ALK: variants seen among roughly 807,000 people sequenced by gnomAD.
ALK encodes the protein ALK tyrosine kinase receptor.
Under a neutral mutation model 163.1 loss-of-function variants are expected in ALK, and 74 were observed. The observed-to-expected ratio is 0.45, with a 90% CI of 0.38 to 0.55. ALK has a LOEUF of 0.55. ALK is among the 20% of genes least tolerant of loss of function. The pLI is 0.00. For missense variants in ALK, 2,063 were observed against 2,105.3 expected (o/e 0.98, Z 0.39); for synonymous variants, 960 against 843.2 (o/e 1.14, Z -2.40).
At chr2:29,466,640 C>T (rs1671220976) in intron 4 of ALK, among the ~76,000 whole-genome samples, 1 of 152,210 alleles carries the variant, frequency 6.6e-6, no homozygotes, top group Admixed American at 6.5e-5. Flanking sequence ...GGGTTTGAGA[C>T]TGTTTCTTGT....
chr2:29,804,527 C>A (rs963847125), intron 1 of ALK, among the ~76,000 whole-genome samples: 5 of 152,228 alleles, frequency 3.3e-5, no homozygotes, highest in Admixed American at 1.3e-4. Context: ...GCAGATATGG[C>A]AACACAGGTT....
chr2:29,361,579 G>A (rs1470366990), intron 5 of ALK, among the ~76,000 whole-genome samples: 3 of 152,222 alleles, frequency 2.0e-5, no homozygotes, highest in Admixed American at 2.0e-4. Context: ...GCTGTGACTT[G>A]CTATGTAACC....
At chr2:29,346,342 A>G (rs931099971) in intron 5 of ALK, among the ~76,000 whole-genome samples, 2 of 152,138 alleles carry the variant, frequency 1.3e-5, no homozygotes, top group Non-Finnish European at 1.5e-5. Flanking sequence ...AGTCTGCTTT[A>G]TTTTCAGAGA....
chr2:29,575,123 T>C (rs1674487225), intron 3 of ALK, among the ~76,000 whole-genome samples: 1 of 152,052 alleles, frequency 6.6e-6, no homozygotes, highest in African/African-American at 2.4e-5. Context: ...TGAAGTGGCC[T>C]CTCTAGGTGA....
intron 3 of ALK, among the ~76,000 whole-genome samples, chr2:29,644,879 T>G (rs188837069): frequency 6.6e-6 from 1 of 152,170 alleles, no homozygotes; most frequent in Non-Finnish European, 1.5e-5. Flanking sequence ...GATCCTGACT[T>G]GCTTGGTTCA....
chr2:29,262,455 G>A (rs546367612), intron 11 of ALK, among the ~76,000 whole-genome samples: 34 of 152,338 alleles, frequency 2.2e-4, no homozygotes, highest in African/African-American at 7.9e-4. Context: ...GTTCATTCAG[G>A]CAAAGCTTTC....
intron 3 of ALK, among the ~76,000 whole-genome samples, chr2:29,642,712 A>G (rs1339842978): frequency 6.6e-6 from 1 of 152,190 alleles, no homozygotes; most frequent in Non-Finnish European, 1.5e-5. Flanking sequence ...TCTTCTTTAA[A>G]AAAAGAAAAA....
chr2:29,882,834 A>G (rs1666900213), intron 1 of ALK, among the ~76,000 whole-genome samples: 2 of 152,210 alleles, frequency 1.3e-5, no homozygotes, highest in Admixed American at 6.5e-5. Flanking sequence ...ATAAACAACA[A>G]ATACAACTTT....
intron 3 of ALK, among the ~76,000 whole-genome samples, chr2:29,545,888 A>T (rs968724135): frequency 1.6e-4 from 24 of 152,314 alleles, no homozygotes; most frequent in African/African-American, 5.8e-4. Flanking sequence ...GTAGCCTAGA[A>T]GTAGTAGTAC....
chr2:29,771,594 T>G lies in ALK; in HGVS notation c.668-53897A>C, dbSNP rs552566436. ...CTGTCGCCCAGGCTGGAGTGCAGTG[T>G]CACGATCTCGACTCACTGTAAGCTC... On this transcript the variant is annotated intron_variant, in intron 1 of 28. Transcript: ENST00000389048. 4.9e-4 allele frequency among the ~76,000 whole-genome samples: 75 copies of G among 151,632 alleles called. 2 individuals carry two copies. The highest frequency in any genetic ancestry group is 1.0e-3 in the Non-Finnish European group (69 of 67,924).
intron 23 of ALK, among the ~76,000 whole-genome samples, chr2:29,215,358 C>G (rs552436127): frequency 2.0e-5 from 3 of 152,330 alleles, no homozygotes; most frequent in African/African-American, 7.2e-5. Flanking sequence ...TGGCCTGGGT[C>G]TGGAGGAGGT....
At chr2:29,604,318 T>C (rs767617588) in intron 3 of ALK, among the ~76,000 whole-genome samples, 4 of 152,206 alleles carry the variant, frequency 2.6e-5, no homozygotes, top group Non-Finnish European at 5.9e-5. Flanking sequence ...GTATGGTCTA[T>C]GGCCCTTTCG....
chr2:29,550,256 A>G (rs1673679552), intron 3 of ALK, among the ~76,000 whole-genome samples: 1 of 152,218 alleles, frequency 6.6e-6, no homozygotes, highest in South Asian at 2.1e-4. Context: ...TTTTTAGTTG[A>G]GAAAACTGAG....
chr2:29,203,460 T>C (rs1218850453), intron 26 of ALK, among the ~76,000 whole-genome samples: 1 of 145,126 alleles, frequency 6.9e-6, no homozygotes, highest in Non-Finnish European at 1.5e-5. Flanking sequence ...GCAGGATCTT[T>C]ATCACCATTG....
At chr2:29,907,921 T>C (rs1667592811) in intron 1 of ALK, among the ~76,000 whole-genome samples, 1 of 152,108 alleles carries the variant, frequency 6.6e-6, no homozygotes. Flanking sequence ...AAACCATAAG[T>C]CTTCAAGGTT....
intron 23 of ALK, among the ~76,000 whole-genome samples, chr2:29,215,766 AAC>A (rs370323055): frequency 5.3e-5 from 8 of 152,314 alleles, no homozygotes; most frequent in African/African-American, 1.9e-4. Flanking sequence ...ACAAACGGCA[AAC>A]ACCACACTTC....
intron 3 of ALK, among the ~76,000 whole-genome samples, chr2:29,648,399 A>G (rs1314480619): frequency 6.6e-6 from 1 of 152,142 alleles, no homozygotes; most frequent in African/African-American, 2.4e-5. Flanking sequence ...GTTTGGTGGT[A>G]TTAAGTACAT....
chr2:29,492,244 T>C (rs1671919739), intron 4 of ALK, among the ~76,000 whole-genome samples: 1 of 152,222 alleles, frequency 6.6e-6, no homozygotes, highest in African/African-American at 2.4e-5. Flanking sequence ...GAGATTCATT[T>C]ATCTTTAGGC....
intron 11 of ALK, among the ~76,000 whole-genome samples, chr2:29,252,449 G>A (rs2148198957): frequency 6.6e-6 from 1 of 152,322 alleles, no homozygotes; most frequent in East Asian, 1.9e-4. Context: ...ACATTAAAGT[G>A]AAAACATTTT....
Sources: allele counts gnomAD v4.1 joint callset (sites outside exome capture counted in the v4.1 genomes callset), GRCh38; gene constraint gnomAD v4.1.1; transcripts MANE v1.5; gene names NCBI Gene and HGNC (gene_info 2026-07-23, HGNC 2026-07-21).